HPSE2: variants seen among roughly 807,000 people sequenced by gnomAD.
The protein encoded by HPSE2 is heparanase 2 (inactive).
HPSE2 carries 38 observed loss-of-function variants against 60.5 expected under a neutral mutation model. That is an observed-to-expected ratio of 0.63 (90% CI 0.48 to 0.82). The LOEUF (loss-of-function observed/expected upper bound fraction) is 0.82, where lower values mean the gene tolerates loss of function less well. Ranked by LOEUF, HPSE2 falls within the 40% of genes least tolerant of loss-of-function variation. The pLI, the probability that HPSE2 is intolerant of heterozygous loss-of-function variation, is 0.00. For missense variants in HPSE2, 713 were observed against 740.4 expected, an observed-to-expected ratio of 0.96 and a Z score of 0.43; for synonymous variants, 295 against 293.2, an observed-to-expected ratio of 1.01 and a Z score of -0.06.
intron 3 of HPSE2, among the ~76,000 whole-genome samples, chr10:98,747,390 G>C (rs953558374): frequency 1.3e-5 from 2 of 152,018 alleles, no homozygotes; most frequent in African/African-American, 4.8e-5. Context: ...TCCATATAAT[G>C]AGTATTTTAC....
chr10:99,035,618 C>T (rs1257229613), intron 3 of HPSE2, among the ~76,000 whole-genome samples: 1 of 152,164 alleles, frequency 6.6e-6, no homozygotes, highest in African/African-American at 2.4e-5. Context: ...TATGTGCTAG[C>T]TATACTTTTA....
intron 9 of HPSE2, among the ~76,000 whole-genome samples, chr10:98,570,822 T>TA (rs1401789499): frequency 5.4e-5 from 2 of 36,874 alleles, no homozygotes; most frequent in Non-Finnish European, 1.9e-4. Context: ...GCTCTAAGTT[T>TA]GGGGTTGAAA....
intron 6 of HPSE2, among the ~76,000 whole-genome samples, chr10:98,667,471 A>G (rs944134353): frequency 3.3e-5 from 5 of 152,154 alleles, no homozygotes; most frequent in African/African-American, 1.2e-4. Context: ...CAGAGACACA[A>G]TGAAAAAAGA....
At chr10:98,965,593 CAG>C (rs1219998259) in intron 3 of HPSE2, among the ~76,000 whole-genome samples, 1 of 152,124 alleles carries the variant, frequency 6.6e-6, no homozygotes, top group Non-Finnish European at 1.5e-5. Context: ...TTTTCCCAAA[CAG>C]AAATTCTTCC....
Position 99,232,512 on chromosome 10 carries a change from A to G in HPSE2, c.291-7T>C. 6.4e-7 allele frequency: 1 copy of G among 1,552,056 alleles called. No homozygotes were observed. Among genetic ancestry groups the G allele is most frequent in the South Asian group, 1.2e-5 (1 of 84,128 alleles). On this transcript the variant is annotated splice_region_variant and splice_polypyrimidine_tract_variant and intron_variant, in intron 1 of 11. Transcript: ENST00000370552. Reference sequence around the variant, plus strand: ...GGTCACCAAGCGCTTGGAGCTGCAGAGGAAGAGAATAAGAGAGGAAAGGTT... The same window carrying G: ...GGTCACCAAGCGCTTGGAGCTGCAGGGGAAGAGAATAAGAGAGGAAAGGTT...
At chr10:99,029,260 T>C (rs908073765) in intron 3 of HPSE2, among the ~76,000 whole-genome samples, 5 of 152,106 alleles carry the variant, frequency 3.3e-5, no homozygotes, top group African/African-American at 9.7e-5. Flanking sequence ...CCAGAAGATA[T>C]AAGGAGCTCA....
At chr10:99,200,264 T>C (rs1848532267) in intron 2 of HPSE2, among the ~76,000 whole-genome samples, 1 of 152,170 alleles carries the variant, frequency 6.6e-6, no homozygotes, top group South Asian at 2.1e-4. Context: ...TGAAATGTGT[T>C]CTGCATGTAG....
chr10:98,667,023 AG>A (rs1947381070), intron 6 of HPSE2, among the ~76,000 whole-genome samples: 1 of 125,900 alleles, frequency 7.9e-6, no homozygotes, highest in African/African-American at 2.7e-5. Flanking sequence ...TTAAACATCT[AG>A]CTAGATTAAC....
At chr10:99,187,759 A>T (rs1848081062) in intron 2 of HPSE2, among the ~76,000 whole-genome samples, 1 of 152,254 alleles carries the variant, frequency 6.6e-6, no homozygotes, top group Non-Finnish European at 1.5e-5. Flanking sequence ...AGGATGTGGA[A>T]CAACTTTAAC....
intron 2 of HPSE2, among the ~76,000 whole-genome samples, chr10:99,198,747 G>A (rs779109400): frequency 3.3e-5 from 5 of 152,082 alleles, no homozygotes; most frequent in Non-Finnish European, 7.4e-5. Context: ...AATAACTGTT[G>A]TTAACTAAGG....
At chr10:98,964,342 T>G (rs544635862) in intron 3 of HPSE2, among the ~76,000 whole-genome samples, 3 of 152,162 alleles carry the variant, frequency 2.0e-5, no homozygotes, top group Non-Finnish European at 4.4e-5. Flanking sequence ...TTATTAAAAG[T>G]GGAATTAAAT....
At chr10:98,979,691 T>C (rs1363554978) in intron 3 of HPSE2, among the ~76,000 whole-genome samples, 1 of 152,218 alleles carries the variant, frequency 6.6e-6, no homozygotes, top group East Asian at 1.9e-4. Context: ...CTGTATTTGC[T>C]AATTCAGTGT....
At chr10:98,534,459 C>T (rs1943221761) in intron 9 of HPSE2, among the ~76,000 whole-genome samples, 1 of 151,826 alleles carries the variant, frequency 6.6e-6, no homozygotes. Flanking sequence ...GGCTGGAGTG[C>T]AGTGATGTGA....
At chr10:99,112,459 T>A (rs142342585) in intron 3 of HPSE2, among the ~76,000 whole-genome samples, 1 of 151,686 alleles carries the variant, frequency 6.6e-6, no homozygotes, top group South Asian at 2.1e-4. Context: ...TTTGTTTTGT[T>A]TTTGTATTTT....
chr10:98,677,724 AAGAGAT>A (rs1242270085), intron 6 of HPSE2, among the ~76,000 whole-genome samples: 3 of 152,184 alleles, frequency 2.0e-5, no homozygotes, highest in Non-Finnish European at 1.5e-5. Flanking sequence ...CATACTATAC[AAGAGAT>A]AGATAATCTA....
intron 3 of HPSE2, among the ~76,000 whole-genome samples, chr10:98,923,968 T>C (rs1954368133): frequency 6.6e-6 from 1 of 152,168 alleles, no homozygotes; most frequent in African/African-American, 2.4e-5. Context: ...CTTGTAGAAG[T>C]TCTTTGGCAT....
chr10:98,482,452 A>G (rs1210763672), intron 11 of HPSE2, among the ~76,000 whole-genome samples, 184 bp downstream of exon 11: 1 of 152,308 alleles, frequency 6.6e-6, no homozygotes, highest in East Asian at 1.9e-4. Flanking sequence ...GGAATCTAAG[A>G]TAGGGAGGGG....
intron 2 of HPSE2, among the ~76,000 whole-genome samples, chr10:99,155,927 G>A (rs1237059156): frequency 2.1e-4 from 32 of 151,448 alleles, no homozygotes; most frequent in South Asian, 4.2e-4. Flanking sequence ...TATCACCACC[G>A]ATCCCACAGA....
chr10:98,687,735 G>A (rs1228333482), intron 6 of HPSE2, among the ~76,000 whole-genome samples: 4 of 151,564 alleles, frequency 2.6e-5, no homozygotes, highest in African/African-American at 9.7e-5. Flanking sequence ...TCCTTTTTTT[G>A]AAGCCTACTT....
Sources: gnomAD v4.1 joint callset for allele counts (sites outside exome capture counted in the v4.1 genomes callset) on GRCh38, gnomAD v4.1.1 for gene constraint, MANE v1.5 for transcripts, NCBI Gene and HGNC (gene_info 2026-07-23, HGNC 2026-07-21) for gene names.